AFF3: variants seen among roughly 807,000 people sequenced by gnomAD.
AFF3 encodes the protein AF4/FMR2 family member 3.
A neutral mutation model predicts 129.7 loss-of-function variants in AFF3; 32 were observed. The observed-to-expected ratio is 0.25, with a 90% CI of 0.19 to 0.33. The LOEUF is 0.33. Among genes scored for constraint, AFF3 ranks in the 10% least tolerant of loss-of-function variants. AFF3 has a pLI of 1.00. For synonymous variants in AFF3, 644 were observed against 635.4 expected, an observed-to-expected ratio of 1.01 and a Z score of -0.20; for missense variants, 1,373 against 1,592.0, an observed-to-expected ratio of 0.86 and a Z score of 2.34.
chr2:99,862,232 A>T (rs528598715), intron 7 of AFF3, among the ~76,000 whole-genome samples: 2 of 152,186 alleles, frequency 1.3e-5, no homozygotes, highest in East Asian at 3.9e-4. Context: ...TTTCTCTTAA[A>T]TCTGTCAAAA....
At position 99,654,732 on chromosome 2, in the gene AFF3, CTCCAG is replaced by C. The variant is rs1219731561; in HGVS notation, c.1144-5071_1144-5067del. On this transcript the variant is annotated intron_variant, in intron 12 of 24. Transcript: ENST00000672756. ...ATTATTCATTACGAATGATTCTAAA[CTCCAG>C]TCTATGAGACAAAACATGTTCTTTT... is the stretch of plus-strand genomic sequence containing the variant. Among the ~76,000 whole-genome samples the C allele has an allele frequency of 2.6e-5, 4 of 152,290 alleles. No homozygotes were observed. The East Asian group carries it at 7.7e-4, about 29-fold the overall frequency.
chr2:99,725,584 C>T (rs1679302392), intron 11 of AFF3, among the ~76,000 whole-genome samples: 1 of 152,238 alleles, frequency 6.6e-6, no homozygotes, highest in African/African-American at 2.4e-5. Flanking sequence ...CCTGCCTCGG[C>T]CTCCCAAAGT....
chr2:99,838,621 T>C (rs1232641816), intron 7 of AFF3, among the ~76,000 whole-genome samples: 1 of 152,086 alleles, frequency 6.6e-6, no homozygotes. Context: ...AATAGTGAAG[T>C]CTCCAGCAAT....
At chr2:100,136,288 G>A (rs546450519) in intron 1 of AFF3, among the ~76,000 whole-genome samples, 1 of 152,270 alleles carries the variant, frequency 6.6e-6, no homozygotes, top group South Asian at 2.1e-4. Flanking sequence ...GGCCATCGGG[G>A]GACTGGGGCG....
chr2:100,106,571 G>C, intron 2 of AFF3: 3 of 993,572 alleles, frequency 3.0e-6, no homozygotes, highest in Non-Finnish European at 3.6e-6. Context: ...GGTGGAGGGT[G>C]GAGGAGGGAG....
chr2:99,627,257 A>G (rs983981769), intron 13 of AFF3, among the ~76,000 whole-genome samples: 1 of 152,074 alleles, frequency 6.6e-6, no homozygotes, highest in Non-Finnish European at 1.5e-5. Context: ...TGACTTTTAA[A>G]TAATAGCCAT....
intron 11 of AFF3, chr2:99,707,201 T>A (rs1344265857): frequency 1.0e-6 from 1 of 985,266 alleles, no homozygotes; most frequent in East Asian, 1.1e-4. Context: ...TTCTTCCCCA[T>A]CCACAGTTAA....
At chr2:100,078,114 GCA>G (rs1393649153) in intron 4 of AFF3, among the ~76,000 whole-genome samples, 2 of 152,184 alleles carry the variant, frequency 1.3e-5, no homozygotes, top group Non-Finnish European at 2.9e-5. Flanking sequence ...CTAGAAAGCA[GCA>G]CAGACTGGCC....
At chr2:99,825,120 C>T (rs373620225) in intron 8 of AFF3, among the ~76,000 whole-genome samples, 5 of 152,160 alleles carry the variant, frequency 3.3e-5, no homozygotes, top group Middle Eastern at 3.2e-3. Flanking sequence ...CACATCCACA[C>T]ATCAGATTTA....
intron 11 of AFF3, among the ~76,000 whole-genome samples, chr2:99,701,678 T>C (rs772971316): frequency 6.6e-6 from 1 of 152,210 alleles, no homozygotes. Context: ...CAGTTATGCA[T>C]GGACTCATTT....
intron 4 of AFF3, among the ~76,000 whole-genome samples, chr2:100,049,487 A>G (rs145594891): frequency 6.6e-6 from 1 of 152,366 alleles, no homozygotes; most frequent in African/African-American, 2.4e-5. Context: ...ACTTTAGAAA[A>G]TAACGGCCAT....
chr2:99,872,893 C>T (rs1473995315), intron 7 of AFF3, among the ~76,000 whole-genome samples: 1 of 152,268 alleles, frequency 6.6e-6, no homozygotes, highest in South Asian at 2.1e-4. Flanking sequence ...TACAAGTTTT[C>T]TAAGTTCTAA....
intron 8 of AFF3, among the ~76,000 whole-genome samples, chr2:99,805,304 C>T (rs952214633): frequency 4.6e-5 from 7 of 152,116 alleles, no homozygotes; most frequent in African/African-American, 1.7e-4. Context: ...CACCTCTCTT[C>T]GTTTAAGTTC....
rs1049798890 is a variant in AFF3 at position 100,072,671 on chromosome 2, C to T, written c.53+31731G>A. On this transcript the variant is annotated intron_variant, in intron 4 of 24. Transcript: ENST00000672756. The stretch of plus-strand genomic sequence containing the variant: ...ACAAACGGAAACATCTCTGCAGTCA[C>T]ACCAAGAGCTGCACCCTTGTTCCTC... 3.9e-5 allele frequency among the ~76,000 whole-genome samples: 6 copies of T among 152,180 alleles called. 1 individual carries two copies. The East Asian group carries it at 1.2e-3, about 29-fold the overall frequency.
At chr2:99,822,808 C>T (rs922421896) in intron 8 of AFF3, among the ~76,000 whole-genome samples, 5 of 152,136 alleles carry the variant, frequency 3.3e-5, no homozygotes, top group African/African-American at 7.2e-5. Context: ...AAAAGAGCTC[C>T]GCTTTTATTT....
chr2:100,000,160 G>C (rs114587630), intron 7 of AFF3, among the ~76,000 whole-genome samples: 4,012 of 152,288 alleles, frequency 0.026, 185 homozygotes, highest in African/African-American at 0.093. Flanking sequence ...GCTTCAGACA[G>C]ATCTGTCTCA....
chr2:100,072,627 A>G lies in AFF3; in HGVS notation c.53+31775T>C, dbSNP rs558101075. Among the ~76,000 whole-genome samples the G allele has an allele frequency of 9.9e-5, 15 of 152,234 alleles. No homozygotes were observed. The South Asian group carries it at 1.7e-3, about 17-fold the overall frequency. ...CCAGAGAAAGTGCCCATTTCAGACC[A>G]AGAAGGGAGGTGCTCACAACAAACG... On this transcript the variant is annotated intron_variant, in intron 4 of 24. Transcript: ENST00000672756.
intron 8 of AFF3, among the ~76,000 whole-genome samples, chr2:99,820,601 G>C (rs1277911157): frequency 6.7e-6 from 1 of 150,034 alleles, no homozygotes; most frequent in African/African-American, 2.4e-5. Flanking sequence ...GTTAACCTTA[G>C]CTTGCTGCAC....
At chr2:99,885,844 C>T (rs761884184) in intron 7 of AFF3, among the ~76,000 whole-genome samples, 4 of 152,154 alleles carry the variant, frequency 2.6e-5, no homozygotes, top group South Asian at 2.1e-4. Context: ...GCAGATCATA[C>T]GCACAGGATT....
Sources: allele counts gnomAD v4.1 joint callset (sites outside exome capture counted in the v4.1 genomes callset), GRCh38; gene constraint gnomAD v4.1.1; transcripts MANE v1.5; gene names NCBI Gene and HGNC (gene_info 2026-07-23, HGNC 2026-07-21).